LHFPL3: variants seen among roughly 807,000 people sequenced by gnomAD.
LHFPL3 encodes the protein LHFPL tetraspan subfamily member 3.
LHFPL3 carries 5 observed loss-of-function variants against 19.3 expected under a neutral mutation model. The ratio of observed to expected loss-of-function variants is 0.26; its 90% CI spans 0.14 to 0.54. The LOEUF (loss-of-function observed/expected upper bound fraction) is 0.54, where lower values mean the gene tolerates loss of function less well. Among genes scored for constraint, LHFPL3 ranks in the 20% least tolerant of loss-of-function variants. The pLI, the probability that LHFPL3 is intolerant of heterozygous loss-of-function variation, is 0.94. For missense variants in LHFPL3, 249 were observed against 307.4 expected, an observed-to-expected ratio of 0.81 and a Z score of 1.42; for synonymous variants, 133 against 126.2, an observed-to-expected ratio of 1.05 and a Z score of -0.36.
chr7:104,431,944 G>C (rs1399526277), intron 1 of LHFPL3, among the ~76,000 whole-genome samples: 1 of 152,186 alleles, frequency 6.6e-6, no homozygotes, highest in Admixed American at 6.5e-5. Flanking sequence ...AAATGTCCAA[G>C]GGGCCAATGA....
intron 1 of LHFPL3, among the ~76,000 whole-genome samples, chr7:104,498,176 G>A (rs1037231464): frequency 1.3e-5 from 2 of 152,154 alleles, no homozygotes; most frequent in African/African-American, 4.8e-5. Flanking sequence ...AAATATAATA[G>A]TCACAGTGAA....
At chr7:104,689,950 G>A (rs951943737) in intron 1 of LHFPL3, among the ~76,000 whole-genome samples, 18 of 152,192 alleles carry the variant, frequency 1.2e-4, no homozygotes, top group African/African-American at 3.6e-4. Flanking sequence ...TGACAGGTAG[G>A]GTGAGGGCTA....
intron 1 of LHFPL3, among the ~76,000 whole-genome samples, chr7:104,689,766 C>T (rs556218218): frequency 6.6e-6 from 1 of 152,290 alleles, no homozygotes; most frequent in South Asian, 2.1e-4. Context: ...TGTGGTCCTC[C>T]AGTTACAGTA....
chr7:104,835,749 C>T (rs534560141), intron 2 of LHFPL3, among the ~76,000 whole-genome samples: 33 of 142,266 alleles, frequency 2.3e-4, no homozygotes, highest in Admixed American at 7.9e-4. Context: ...TTGATCTACA[C>T]GTTAAATTAT....
chr7:104,389,583 G>T (rs1157340448), intron 1 of LHFPL3, among the ~76,000 whole-genome samples: 1 of 152,022 alleles, frequency 6.6e-6, no homozygotes, highest in East Asian at 1.9e-4. Flanking sequence ...AAGAACAGTT[G>T]GGGAATTCAC....
At chr7:104,817,038 G>C (rs891835443) in intron 2 of LHFPL3, among the ~76,000 whole-genome samples, 5 of 152,068 alleles carry the variant, frequency 3.3e-5, no homozygotes, top group Non-Finnish European at 7.3e-5. Context: ...TTTCCACCCA[G>C]GCAAATTCTT....
chr7:104,696,271 T>C (rs1792994627), intron 1 of LHFPL3, among the ~76,000 whole-genome samples: 1 of 152,216 alleles, frequency 6.6e-6, no homozygotes, highest in African/African-American at 2.4e-5. Context: ...TTTTAAATCT[T>C]TCATTTGTAA....
intron 2 of LHFPL3, among the ~76,000 whole-genome samples, chr7:104,748,601 A>G: frequency 6.7e-6 from 1 of 149,132 alleles, no homozygotes; most frequent in South Asian, 2.2e-4. Context: ...AATCCTTTAC[A>G]TTGTCTATGA....
chr7:104,376,968 A>G (rs1790728282), intron 1 of LHFPL3, among the ~76,000 whole-genome samples: 1 of 152,216 alleles, frequency 6.6e-6, no homozygotes, highest in South Asian at 2.1e-4. Flanking sequence ...TGCATGATTT[A>G]CAATGAAGCT....
chr7:104,893,622 A>G (rs942922096), intron 2 of LHFPL3, among the ~76,000 whole-genome samples: 3 of 152,174 alleles, frequency 2.0e-5, no homozygotes, highest in African/African-American at 7.2e-5. Flanking sequence ...TTGTATTATC[A>G]TAGTACATTC....
chr7:104,454,291 A>T (rs535111355), intron 1 of LHFPL3, among the ~76,000 whole-genome samples: 1 of 152,340 alleles, frequency 6.6e-6, no homozygotes, highest in South Asian at 2.1e-4. Flanking sequence ...TAGTCAGACC[A>T]TAGGTAGACC....
At chr7:104,486,286 T>G (rs1793235674) in intron 1 of LHFPL3, among the ~76,000 whole-genome samples, 1 of 152,358 alleles carries the variant, frequency 6.6e-6, no homozygotes, top group South Asian at 2.1e-4. Context: ...CCCTTTATCA[T>G]TTCTCATTTT....
intron 1 of LHFPL3, among the ~76,000 whole-genome samples, chr7:104,370,719 A>G (rs1790597675): frequency 6.6e-6 from 1 of 152,034 alleles, no homozygotes; most frequent in Admixed American, 6.5e-5. Flanking sequence ...CGTCTCTACT[A>G]AAAATACAAA....
At chr7:104,891,631 T>C (rs766454824) in intron 2 of LHFPL3, among the ~76,000 whole-genome samples, 9 of 152,222 alleles carry the variant, frequency 5.9e-5, no homozygotes, top group Non-Finnish European at 1.0e-4. Context: ...AGAGCCATTC[T>C]CTGAATCACA....
At chr7:104,571,687 A>G (rs1354946266) in intron 1 of LHFPL3, among the ~76,000 whole-genome samples, 1 of 152,226 alleles carries the variant, frequency 6.6e-6, no homozygotes, top group Non-Finnish European at 1.5e-5. Context: ...CTGCCTCAGA[A>G]GAAGCATCAC....
chr7:104,499,546 G>A (rs1213995551), intron 1 of LHFPL3, among the ~76,000 whole-genome samples: 2 of 152,184 alleles, frequency 1.3e-5, no homozygotes, highest in African/African-American at 4.8e-5. Context: ...CCATGACTCA[G>A]AGACCTTTGG....
chr7:104,628,101 C>T (rs1791579286), intron 1 of LHFPL3, among the ~76,000 whole-genome samples: 1 of 152,090 alleles, frequency 6.6e-6, no homozygotes, highest in Non-Finnish European at 1.5e-5. Flanking sequence ...ACTTGGGAAG[C>T]AGGCAGAGAG....
chr7:104,692,690 G>T (rs1792926675), intron 1 of LHFPL3, among the ~76,000 whole-genome samples: 1 of 152,248 alleles, frequency 6.6e-6, no homozygotes, highest in African/African-American at 2.4e-5. Context: ...CAGAAGTCAA[G>T]AATTGAGGTT....
intron 1 of LHFPL3, among the ~76,000 whole-genome samples, chr7:104,670,180 T>TGAGACTATA (rs1349211344): frequency 7.0e-6 from 1 of 142,644 alleles, no homozygotes; most frequent in Non-Finnish European, 1.5e-5. Flanking sequence ...TAGTTGGGAG[T>TGAGACTATA]GAGACTATAG....
Sources: allele counts gnomAD v4.1 joint callset (sites outside exome capture counted in the v4.1 genomes callset), GRCh38; gene constraint gnomAD v4.1.1; transcripts MANE v1.5; gene names NCBI Gene and HGNC (gene_info 2026-07-23, HGNC 2026-07-21).